The following SGIP1 variants were observed in gnomAD, a reference collection of about 807,000 sequenced individuals.
The protein encoded by SGIP1 is SH3GL interacting endocytic adaptor 1, also known as SH3-containing GRB2-like protein 3-interacting protein 1.
Under a neutral mutation model 107.5 loss-of-function variants are expected in SGIP1, and 38 were observed. The ratio of observed to expected loss-of-function variants is 0.35; its 90% CI spans 0.27 to 0.46. The LOEUF (loss-of-function observed/expected upper bound fraction) is 0.46, where lower values mean the gene tolerates loss of function less well. Ranked by LOEUF, SGIP1 falls within the 20% of genes least tolerant of loss-of-function variation. SGIP1 has a pLI of 1.00. For missense variants in SGIP1, 929 were observed against 1,019.5 expected, an observed-to-expected ratio of 0.91 and a Z score of 1.21; for synonymous variants, 365 against 366.1, an observed-to-expected ratio of 1.00 and a Z score of 0.03.
At chr1:66,571,339 T>C (rs534298976) in intron 1 of SGIP1, among the ~76,000 whole-genome samples, 13 of 151,956 alleles carry the variant, frequency 8.6e-5, no homozygotes, top group African/African-American at 3.1e-4. Context: ...TAGTACAACA[T>C]GAGACAGTGA....
rs141370211 is a variant in SGIP1, at chr1:66,675,537, C to CTTTTTTTTTTTTTTTTT, written c.647-1464_647-1463insTTTTTTTTTTTTTTTTT. ...TTTCGTTGTTTTTCTTTTTCTTTTT[C>CTTTTTTTTTTTTTTTTT]TTTCTTTTTTTTTTTTTTTTTTGAC... On this transcript the variant is annotated intron_variant, in intron 12 of 24. Coordinates refer to ENST00000371037, the MANE Select transcript of SGIP1 (RefSeq NM_032291.4). Among the ~76,000 whole-genome samples, 134 of 109,218 alleles carry CTTTTTTTTTTTTTTTTT rather than the reference C, an allele frequency of 1.2e-3. 31 individuals carry two copies. The highest frequency in any genetic ancestry group is 3.9e-3 in the African/African-American group (95 of 24,260). The allele number at this position is 109,218 out of a possible 152,430, so 71.7% of individuals were successfully genotyped here. A position where few individuals can be genotyped will look rare whatever the true frequency, so the allele number is the denominator to read the frequency against.
chr1:66,691,301 G>C (rs1260744474), intron 17 of SGIP1, among the ~76,000 whole-genome samples: 1 of 152,118 alleles, frequency 6.6e-6, no homozygotes, highest in Non-Finnish European at 1.5e-5. Context: ...GTGAGAAGTA[G>C]CTTGATCAAA....
chr1:66,662,256 C>T lies in SGIP1; in HGVS notation c.471+1732C>T, dbSNP rs142619744. On this transcript the variant is annotated intron_variant, in intron 8 of 24. Coordinates refer to ENST00000371037, the MANE Select transcript of SGIP1 (RefSeq NM_032291.4). Reference sequence around the variant, plus strand: ...ACATTAATCACTCAATTTGCTAAAACGAGACTACAGAAAAGTCTTATTTGT... The same window carrying T: ...ACATTAATCACTCAATTTGCTAAAATGAGACTACAGAAAAGTCTTATTTGT... Among the ~76,000 whole-genome samples the T allele has an allele frequency of 9.9e-4, 150 of 152,216 alleles. 6 individuals are homozygous for T. In the East Asian group the frequency reaches 0.018, roughly 18 times the overall value.
At position 66,581,607 on chromosome 1, in the gene SGIP1, T is replaced by C. The variant is rs549907087; in HGVS notation, c.11-44240T>C. 8.5e-5 allele frequency among the ~76,000 whole-genome samples: 13 copies of C among 152,196 alleles called. No homozygotes were observed. In the South Asian group the frequency reaches 2.7e-3, roughly 32 times the overall value. On this transcript the variant is annotated intron_variant, in intron 1 of 24. Transcript: ENST00000371037. ...CATCTCTATAAAAATAATTCATGTG[T>C]TGAGGTTCATACCTTCTCTTAAGTT...
intron 9 of SGIP1, among the ~76,000 whole-genome samples, chr1:66,669,651 A>G (rs1295234850): frequency 6.6e-6 from 1 of 152,236 alleles, no homozygotes; most frequent in Admixed American, 6.5e-5. Context: ...GCAGATTTAC[A>G]TGGCCATATT....
intron 1 of SGIP1, among the ~76,000 whole-genome samples, chr1:66,570,520 C>G (rs1037725949): frequency 6.6e-6 from 1 of 151,894 alleles, no homozygotes; most frequent in East Asian, 1.9e-4. Context: ...TTCATATCCT[C>G]TTCCCAACTA....
intron 10 of SGIP1, among the ~76,000 whole-genome samples, chr1:66,671,464 T>C (rs2083786797): frequency 6.6e-6 from 1 of 152,190 alleles, no homozygotes; most frequent in Non-Finnish European, 1.5e-5. Flanking sequence ...GGGCACAATT[T>C]TCCTCTGCTG....
At chr1:66,629,348 G>A (rs970618780) in intron 2 of SGIP1, among the ~76,000 whole-genome samples, 2 of 152,182 alleles carry the variant, frequency 1.3e-5, no homozygotes, top group Non-Finnish European at 1.5e-5. Context: ...GACATATGTT[G>A]CGCTGATATC....
chr1:66,737,388 T>G (rs558914606), intron 21 of SGIP1, among the ~76,000 whole-genome samples: 3 of 152,316 alleles, frequency 2.0e-5, no homozygotes, highest in African/African-American at 7.2e-5. Context: ...GAGCTTTGTG[T>G]AAAGTATTAA....
chr1:66,644,166 C>T (rs1466754356), intron 7 of SGIP1, among the ~76,000 whole-genome samples: 1 of 152,058 alleles, frequency 6.6e-6, no homozygotes, highest in Non-Finnish European at 1.5e-5. Context: ...TTGCTATGCT[C>T]TAAAACCAAA....
chr1:66,558,673 C>T (rs1571306948), intron 1 of SGIP1, among the ~76,000 whole-genome samples: 1 of 151,516 alleles, frequency 6.6e-6, no homozygotes, highest in African/African-American at 2.4e-5. Context: ...ATTATATAGT[C>T]TAATATATTC....
chr1:66,555,236 C>T (rs1367151059), intron 1 of SGIP1, among the ~76,000 whole-genome samples: 3 of 152,102 alleles, frequency 2.0e-5, no homozygotes, highest in Non-Finnish European at 4.4e-5. Context: ...ACATAGTGCT[C>T]ACTTCTTGCT....
At chr1:66,607,053 A>T (rs535415712) in intron 1 of SGIP1, among the ~76,000 whole-genome samples, 1 of 152,250 alleles carries the variant, frequency 6.6e-6, no homozygotes, top group East Asian at 1.9e-4. Context: ...GATTGGAGCC[A>T]TGCACTGTTT....
At chr1:66,556,953 A>G (rs2058267870) in intron 1 of SGIP1, among the ~76,000 whole-genome samples, 1 of 152,158 alleles carries the variant, frequency 6.6e-6, no homozygotes, top group Non-Finnish European at 1.5e-5. Context: ...TTGACAAACA[A>G]CAATTATAAT....
chr1:66,604,807 T>A (rs995937182), intron 1 of SGIP1, among the ~76,000 whole-genome samples: 1 of 152,222 alleles, frequency 6.6e-6, no homozygotes, highest in Non-Finnish European at 1.5e-5. Context: ...TACTTCTGAC[T>A]GTGAATCATT....
intron 15 of SGIP1, among the ~76,000 whole-genome samples, chr1:66,685,774 C>T (rs1386762605): frequency 6.6e-6 from 1 of 152,164 alleles, no homozygotes; most frequent in African/African-American, 2.4e-5. Context: ...TCTTTAGATA[C>T]AGCAGCCACA....
intron 1 of SGIP1, among the ~76,000 whole-genome samples, chr1:66,546,054 G>T (rs983157191): frequency 1.3e-4 from 20 of 152,102 alleles, no homozygotes; most frequent in Non-Finnish European, 2.2e-4. Context: ...AAGCCACCCA[G>T]CATATGGTTA....
Position 66,553,526 on chromosome 1 carries a change from A to C in SGIP1, c.10+19158A>C, listed in dbSNP as rs191617441. Among the ~76,000 whole-genome samples, 291 of 152,096 alleles carry C rather than the reference A, an allele frequency of 1.9e-3. 2 individuals carry two copies. Among genetic ancestry groups the C allele is most frequent in the African/African-American group, 6.7e-3 (277 of 41,496 alleles). On this transcript the variant is annotated intron_variant, in intron 1 of 24. Coordinates refer to ENST00000371037, the MANE Select transcript of SGIP1 (RefSeq NM_032291.4). ...CCTCACTTCTACTAAAAATACAAAAATTAGCTGGGTGTGGTGGTGGGCACC... is the reference window on the plus strand; with the variant it reads ...CCTCACTTCTACTAAAAATACAAAACTTAGCTGGGTGTGGTGGTGGGCACC...
At chr1:66,703,542 C>T (rs1250556032) in intron 18 of SGIP1, among the ~76,000 whole-genome samples, 2 of 150,996 alleles carry the variant, frequency 1.3e-5, no homozygotes, top group African/African-American at 4.9e-5. Flanking sequence ...CACACACACA[C>T]ATATAGAGAT....
Sources: allele counts gnomAD v4.1 joint callset (sites outside exome capture counted in the v4.1 genomes callset), GRCh38; gene constraint gnomAD v4.1.1; transcripts MANE v1.5; gene names NCBI Gene and HGNC (gene_info 2026-07-23, HGNC 2026-07-21).